CELF2: variants seen among roughly 807,000 people sequenced by gnomAD.
The protein encoded by CELF2 is CUGBP Elav-like family member 2.
Under a neutral mutation model 62.6 loss-of-function variants are expected in CELF2, and 8 were observed. The observed-to-expected ratio is 0.13, with a 90% confidence interval of 0.07 to 0.23. The LOEUF is 0.23. CELF2 is among the 10% of genes least tolerant of loss of function. The pLI, the probability that CELF2 is intolerant of heterozygous loss-of-function variation, is 1.00. For missense variants in CELF2, 333 were observed against 671.0 expected, an observed-to-expected ratio of 0.50 and a Z score of 5.56; for synonymous variants, 258 against 250.0, an observed-to-expected ratio of 1.03 and a Z score of -0.30.
rs751501019 is a variant in CELF2 at position 11,290,043 on chromosome 10, A to G, written c.976+1491A>G. Among the ~76,000 whole-genome samples, 1 of 152,188 alleles carries G rather than the reference A, an allele frequency of 6.6e-6. No homozygotes were observed. The highest frequency in any genetic ancestry group is 1.5e-5 in the Non-Finnish European group (1 of 68,022). ...ATGCATTTTGGAGCATCTTCAGTCCAAAGGAGGCTTGACAGTTTAAGAAGC... is the reference window on the plus strand; with the variant it reads ...ATGCATTTTGGAGCATCTTCAGTCCGAAGGAGGCTTGACAGTTTAAGAAGC... On this transcript the variant is annotated intron_variant, in intron 9 of 12. Transcript: ENST00000633077. The surrounding 1 kb of genome is among the most constrained non-coding windows in gnomAD (Gnocchi z 4.3).
At chr10:10,678,186 C>A in the CELF2 span, among the ~76,000 whole-genome samples, 1 of 152,108 alleles carries the variant, frequency 6.6e-6, no homozygotes, top group Non-Finnish European at 1.5e-5. Context: ...TGGATCCACA[C>A]ATCTAGCAAA....
In CELF2 at chr10:11,110,661, C is replaced by T. The variant is rs1014780515; in HGVS notation, c.75-54825C>T. ...GAGTGGGGAGATGGCAGTGAGACAG[C>T]CAGTGTGACGTTGAGAGTGTTCTCA... On this transcript the variant is annotated intron_variant, in intron 1 of 12. Transcript: ENST00000633077. The surrounding 1 kb of genome is among the most constrained non-coding windows in gnomAD (Gnocchi z 4.0). Among the ~76,000 whole-genome samples, 3 of 152,128 alleles carry T rather than the reference C, an allele frequency of 2.0e-5. No homozygotes were observed. Among genetic ancestry groups the T allele is most frequent in the African/African-American group, 7.2e-5 (3 of 41,420 alleles).
intron 2 of CELF2, among the ~76,000 whole-genome samples, chr10:11,190,382 G>A (rs1588669549): frequency 1.3e-5 from 2 of 152,032 alleles, no homozygotes; most frequent in Admixed American, 6.6e-5. Flanking sequence ...TTTGCAGGAT[G>A]TTTCAGCACT....
At chr10:11,055,010 C>T (rs2064907058) in intron 1 of CELF2, among the ~76,000 whole-genome samples, 1 of 152,238 alleles carries the variant, frequency 6.6e-6, no homozygotes, top group Admixed American at 6.5e-5. Context: ...CCACCGCACC[C>T]GGCTTCTAGT....
intron 9 of CELF2, among the ~76,000 whole-genome samples, chr10:11,298,232 G>A (rs2093382005): frequency 6.6e-6 from 1 of 152,200 alleles, no homozygotes; most frequent in Non-Finnish European, 1.5e-5. Context: ...GCCTTCTGAG[G>A]GTCGGGTCAC....
intron 1 of CELF2, among the ~76,000 whole-genome samples, chr10:11,057,550 G>A (rs1377246554): frequency 6.6e-6 from 1 of 152,200 alleles, no homozygotes. Flanking sequence ...GGGGAGGATA[G>A]CATTTGAATA....
At chr10:11,230,954 G>A (rs2068422853) in intron 3 of CELF2, among the ~76,000 whole-genome samples, 1 of 152,188 alleles carries the variant, frequency 6.6e-6, no homozygotes, top group South Asian at 2.1e-4. Context: ...GGAAAGCAAA[G>A]CATTTATTAC....
At chr10:11,085,228 A>G (rs1341723053) in intron 1 of CELF2, among the ~76,000 whole-genome samples, 2 of 152,258 alleles carry the variant, frequency 1.3e-5, no homozygotes, top group Non-Finnish European at 2.9e-5. Flanking sequence ...ATCATTTTCC[A>G]GTTCTTTACA....
the CELF2 span, among the ~76,000 whole-genome samples, chr10:10,525,812 C>T: frequency 6.6e-6 from 1 of 152,184 alleles, no homozygotes; most frequent in Non-Finnish European, 1.5e-5. Context: ...CTTCCACATA[C>T]TGATTGCATT....
At chr10:10,687,783 A>G in the CELF2 span, among the ~76,000 whole-genome samples, 1 of 152,256 alleles carries the variant, frequency 6.6e-6, no homozygotes, top group Admixed American at 6.5e-5. Flanking sequence ...CAACATTTAC[A>G]TAATTTCTAT....
chr10:11,254,618 C>A (rs1476829848), intron 4 of CELF2, among the ~76,000 whole-genome samples: 1 of 152,178 alleles, frequency 6.6e-6, no homozygotes. Context: ...ACTATGGCAT[C>A]TCCCTGAAGC....
intron 1 of CELF2, among the ~76,000 whole-genome samples, chr10:10,802,485 A>C (rs1032741588): frequency 3.9e-5 from 6 of 152,178 alleles, no homozygotes; most frequent in African/African-American, 1.2e-4. Context: ...AACAAACAAA[A>C]AAAGAATAAA....
the CELF2 span, among the ~76,000 whole-genome samples, chr10:10,688,635 G>C: frequency 6.6e-6 from 1 of 152,260 alleles, no homozygotes; most frequent in South Asian, 2.1e-4. Flanking sequence ...ACAGTATTTA[G>C]CATCCCTAAG....
the CELF2 span, among the ~76,000 whole-genome samples, chr10:10,641,795 C>T: frequency 2.6e-5 from 4 of 152,134 alleles, no homozygotes; most frequent in African/African-American, 9.7e-5. Flanking sequence ...TCAGTTTGCT[C>T]TTGTGTTTCT....
the CELF2 span, among the ~76,000 whole-genome samples, chr10:10,583,465 C>T: frequency 2.6e-5 from 4 of 152,078 alleles, no homozygotes; most frequent in African/African-American, 9.7e-5. Context: ...CTCTCAATGC[C>T]CCAAAGCTTC....
intron 1 of CELF2, among the ~76,000 whole-genome samples, chr10:11,140,886 G>A (rs762601274): frequency 2.0e-5 from 3 of 152,134 alleles, no homozygotes; most frequent in Non-Finnish European, 2.9e-5. Flanking sequence ...GCATGATGGA[G>A]TGCGCCTGTA....
the CELF2 span, among the ~76,000 whole-genome samples, chr10:10,658,689 A>G: frequency 1.3e-5 from 2 of 152,184 alleles, no homozygotes; most frequent in Non-Finnish European, 2.9e-5. Flanking sequence ...ACCTAATAAA[A>G]TACATTCTAT....
intron 2 of CELF2, among the ~76,000 whole-genome samples, chr10:10,954,564 A>G (rs903970132): frequency 1.3e-5 from 2 of 152,150 alleles, no homozygotes; most frequent in Non-Finnish European, 2.9e-5. Flanking sequence ...AACTTCTAAC[A>G]AAATGTCAAA....
chr10:11,193,489 C>T (rs1426406862), intron 2 of CELF2, among the ~76,000 whole-genome samples: 1 of 152,202 alleles, frequency 6.6e-6, no homozygotes, highest in Admixed American at 6.5e-5. Flanking sequence ...AGGTTCTGTA[C>T]AATGAGACGT....
Sources: allele counts gnomAD v4.1 joint callset (sites outside exome capture counted in the v4.1 genomes callset), GRCh38; gene constraint gnomAD v4.1.1; non-coding constraint Gnocchi (gnomAD v3.1); transcripts MANE v1.5; gene names NCBI Gene and HGNC (gene_info 2026-07-23, HGNC 2026-07-21).